The following CNTN2 variants were observed in gnomAD, a reference collection of about 807,000 sequenced individuals.
CNTN2 encodes contactin-2.
In CNTN2, 53 loss-of-function variants were observed where a neutral mutation model predicts 117.5. The observed-to-expected ratio is 0.45, with a 90% CI of 0.36 to 0.57. The LOEUF is 0.57. Among genes scored for constraint, CNTN2 ranks in the 20% least tolerant of loss-of-function variants. The pLI, the probability that CNTN2 is intolerant of heterozygous loss-of-function variation, is 0.00. For synonymous variants in CNTN2, 530 were observed against 561.7 expected (o/e 0.94, Z 0.80); for missense variants, 1,106 against 1,404.3 (o/e 0.79, Z 3.39).
intron 12 of CNTN2, 97 bp from the exon 13 acceptor site, chr1:205,064,990 G>C (rs1268198891): frequency 1.4e-6 from 2 of 1,390,562 alleles, no homozygotes; most frequent in Non-Finnish European, 2.0e-6. Context: ...TCTTCTCTTT[G>C]CTGGGCCTTA....
chr1:205,059,815 G>A lies in CNTN2; in HGVS notation c.797+133G>A. ...GGTCTAGCAAAGTACTGGGCACACA[G>A]TGGGTATCGACCACCACTCACTGGA... On this transcript the variant is annotated intron_variant, in intron 7 of 22. Coordinates refer to ENST00000331830, the MANE Select transcript of CNTN2 (RefSeq NM_005076.5). The surrounding 1 kb of genome is among the most constrained non-coding windows in gnomAD (Gnocchi z 5.6). 1 of 699,236 alleles carries A rather than the reference G, an allele frequency of 1.4e-6. No homozygotes were observed. Among genetic ancestry groups the A allele is most frequent in the Non-Finnish European group, 2.5e-6 (1 of 398,982 alleles). The allele number at this position is 699,236 out of a possible 1,614,324, so 43.3% of individuals were successfully genotyped here.
chr1:205,071,695 G>A (rs565410311), intron 19 of CNTN2, among the ~76,000 whole-genome samples: 17 of 152,190 alleles, frequency 1.1e-4, no homozygotes, highest in Non-Finnish European at 2.5e-4. Context: ...GCTAGGTTGA[G>A]CCTGTGCCAC....
In CNTN2 at chr1:205,061,402, G is replaced by A; in HGVS notation, c.955G>A (p.Gly319Ser). ...ENSKGRDTVQ[G>S]RIIVQAQPEW... ...CTCCAAGGGCCGAGACACCGTGCAG[G>A]GCCGCATCATCGTGCAGGGTACAGA... Residue 319 changes from glycine to serine, a missense_variant, in exon 8 of 23, where the codon GGC (glycine) becomes AGC (serine). Physicochemically the swap from Gly to Ser is moderately conservative, Grantham distance 56. Coordinates refer to ENST00000331830, the MANE Select transcript of CNTN2 (RefSeq NM_005076.5). This position sits in a 1 kb window ranked among gnomAD's most constrained non-coding sequence, Gnocchi z 4.8. 1 of 1,612,178 alleles carries A rather than the reference G, an allele frequency of 6.2e-7. No homozygotes were observed. The highest frequency in any genetic ancestry group is 8.5e-7 in the Non-Finnish European group (1 of 1,179,180).
In CNTN2 at chr1:205,064,313, T is replaced by C. The variant is rs1654150782; in HGVS notation, c.1241-9T>C. 1.3e-6 allele frequency: 2 copies of C among 1,552,176 alleles called. No homozygotes were observed. The highest frequency in any genetic ancestry group is 1.7e-6 in the Non-Finnish European group (2 of 1,145,768). On this transcript the variant is annotated splice_polypyrimidine_tract_variant and intron_variant, in intron 10 of 22. Transcript: ENST00000331830. ...TACTTTTCTCTGTGGCTCTCCCCTT[T>C]CCTTCTAGCACTCGCCCCTGACTTC... is the stretch of plus-strand genomic sequence containing the variant.
At chr1:205,067,366 C>T in intron 16 of CNTN2, 116 bp downstream of exon 16, 2 of 1,264,930 alleles carry the variant, frequency 1.6e-6, no homozygotes, top group Non-Finnish European at 2.2e-6. Flanking sequence ...TCACAGGGTT[C>T]AGACTCTCAC....
At position 205,048,236 on chromosome 1, in the gene CNTN2, G is replaced by C. The variant is rs2096445110; in HGVS notation, c.-87+4842G>C. Among the ~76,000 whole-genome samples the C allele has an allele frequency of 2.0e-5, 3 of 152,144 alleles. No homozygotes were observed. The highest frequency in any genetic ancestry group is 1.5e-5 in the Non-Finnish European group (1 of 68,018). ...GAGACAGATTCAGGGCCAGGAGCTG[G>C]GCATCCCAGTAGGGAGAACTCTGGG... On this transcript the variant is annotated intron_variant, in intron 1 of 22. Coordinates refer to ENST00000331830, the MANE Select transcript of CNTN2 (RefSeq NM_005076.5). This position sits in a 1 kb window ranked among gnomAD's most constrained non-coding sequence, Gnocchi z 4.1.
Position 205,073,011 on chromosome 1 carries a change from G to T in CNTN2, c.2845-57G>T. The T allele has an allele frequency of 1.3e-6, 2 of 1,586,838 alleles. No individual in the cohort carries two copies. The highest frequency in any genetic ancestry group is 2.3e-5 in the South Asian group (2 of 87,396). ...CCTCCCAGTACCTAAAGCTGGGGAT[G>T]ACTCAACGATCAGCCCTGGTGTCAG... On this transcript the variant is annotated intron_variant, in intron 21 of 22. Transcript: ENST00000331830. This position sits in a 1 kb window ranked among gnomAD's most constrained non-coding sequence, Gnocchi z 6.3.
chr1:205,069,517 A>G lies in CNTN2; in HGVS notation c.2152A>G (p.Ser718Gly). ...AAPSVAPSGL[S>G]GGGGAPGELI... ...CCCCTCGGTGGCACCCTCAGGACTC[A>G]GCGGAGGAGGTGGAGCCCCCGGAGA... Residue 718 changes from serine (S) to glycine (G), a missense_variant, in exon 17 of 23, where the codon AGC becomes GGC. By Grantham distance (56) the Ser-to-Gly change is moderately conservative. Transcript: ENST00000331830. 6 of 1,614,096 alleles carry G rather than the reference A, an allele frequency of 3.7e-6. No homozygotes were observed. The highest frequency in any genetic ancestry group is 5.1e-6 in the Non-Finnish European group (6 of 1,180,016).
chr1:205,052,868 G>C (rs1189906617), intron 1 of CNTN2, among the ~76,000 whole-genome samples: 1 of 152,208 alleles, frequency 6.6e-6, no homozygotes, highest in East Asian at 1.9e-4. Context: ...GGGGGCAGGT[G>C]GGGGTACAGG....
At chr1:205,071,734 C>T (rs1166527137) in intron 19 of CNTN2, among the ~76,000 whole-genome samples, 3 of 152,182 alleles carry the variant, frequency 2.0e-5, no homozygotes, top group African/African-American at 7.2e-5. Flanking sequence ...ATGTCTTGAG[C>T]ACCTTCCTTG....
In CNTN2 at chr1:205,069,522, A is replaced by G. The variant is rs1654472234; in HGVS notation, c.2157A>G (p.Gly719=). The change falls in exon 17 of 23, where the codon GGA becomes GGG. Residue 719 remains glycine, a synonymous_variant. Transcript: ENST00000331830. The part of the protein sequence containing the change: ...APSVAPSGLS[G]GGGAPGELIV... ...CGGTGGCACCCTCAGGACTCAGCGG[A>G]GGAGGTGGAGCCCCCGGAGAGCTCA... 2.5e-6 allele frequency: 4 copies of G among 1,614,022 alleles called. No individual in the cohort carries two copies. Among genetic ancestry groups the G allele is most frequent in the Non-Finnish European group, 3.4e-6 (4 of 1,180,024 alleles).
In CNTN2 at chr1:205,064,673, C is replaced by T; in HGVS notation, c.1442C>T (p.Ser481Leu). 1 of 1,614,194 alleles carries T rather than the reference C, an allele frequency of 6.2e-7. No homozygotes were observed. The highest frequency in any genetic ancestry group is 8.5e-7 in the Non-Finnish European group (1 of 1,180,022). The change falls in exon 12 of 23, where the codon TCA (serine) becomes TTA (leucine). Residue 481 changes from serine to leucine, a missense_variant. Coordinates refer to ENST00000331830, the MANE Select transcript of CNTN2 (RefSeq NM_005076.5). ...GTLIIRNISR[S>L]DEGKYTCFAE... ...TTGATCATAAGAAACATCAGCCGGT[C>T]AGATGAAGGCAAATACACCTGCTTT...
In CNTN2 at chr1:205,059,218, T is replaced by G; in HGVS notation, c.622T>G (p.Leu208Val). ...CTCAGACCTGGGCAACTACTCCTGT[T>G]TGGCCACCAGCCACATGGACTTCTC... ...NASDLGNYSC[L>V]ATSHMDFSTK... is the part of the protein sequence containing the mutation. Residue 208 changes from leucine to valine, a missense_variant, in exon 6 of 23, where the codon TTG becomes GTG. Coordinates refer to ENST00000331830, the MANE Select transcript of CNTN2 (RefSeq NM_005076.5). This position sits in a 1 kb window ranked among gnomAD's most constrained non-coding sequence, Gnocchi z 5.6. 1 of 1,614,202 alleles carries G rather than the reference T, an allele frequency of 6.2e-7. No homozygotes were observed. The highest frequency in any genetic ancestry group is 1.1e-5 in the South Asian group (1 of 91,076).
At position 205,053,152 on chromosome 1, in the gene CNTN2, T is replaced by TCCTC. The variant is rs1294524600; in HGVS notation, c.-32_-29dup. On this transcript the variant is annotated 5_prime_UTR_variant, in exon 2 of 23. Coordinates refer to ENST00000331830, the MANE Select transcript of CNTN2 (RefSeq NM_005076.5). The stretch of plus-strand genomic sequence containing the variant: ...TCCCCAAGCTGAGCTGAGGCTCTTC[T>TCCTC]CCTCCGATCCCCACCTCTGCCCGGA... 2 of 1,584,210 alleles carry TCCTC rather than the reference T, an allele frequency of 1.3e-6. No homozygotes were observed. Among genetic ancestry groups the TCCTC allele is most frequent in the East Asian group, 4.6e-5 (2 of 43,888 alleles).
rs1180114824 is a variant in CNTN2 at position 205,066,497 on chromosome 1, C to A, written c.1873C>A (p.Gln625Lys). 6.2e-6 allele frequency: 10 copies of A among 1,614,052 alleles called. No homozygotes were observed. The highest frequency in any genetic ancestry group is 8.5e-6 in the Non-Finnish European group (10 of 1,180,028). ...VVRDIGDTTI[Q>K]LSWSRGFDNH... ...GAGGGACATTGGCGACACCACCATCCAGCTCAGCTGGAGCCGTGGCTTCGA... is the reference window on the plus strand; with the variant it reads ...GAGGGACATTGGCGACACCACCATCAAGCTCAGCTGGAGCCGTGGCTTCGA... The change falls in exon 15 of 23, where the codon CAG becomes AAG. Residue 625 changes from glutamine to lysine, a missense_variant. Transcript: ENST00000331830.
chr1:205,045,580 G>T (rs1243672765), intron 1 of CNTN2, among the ~76,000 whole-genome samples: 1 of 152,202 alleles, frequency 6.6e-6, no homozygotes, highest in African/African-American at 2.4e-5. Context: ...AAACCTCCTT[G>T]AGCCAAACGT....
chr1:205,060,966 T>G (rs946394600), intron 7 of CNTN2: 1 of 394,672 alleles, frequency 2.5e-6, no homozygotes, highest in African/African-American at 2.1e-5. Flanking sequence ...GCAGGCCAGC[T>G]TCAGGGTGCA....
Position 205,061,757 on chromosome 1 carries a change from G to A in CNTN2, c.974-108G>A, listed in dbSNP as rs967977166. On this transcript the variant is annotated intron_variant, in intron 8 of 22. Transcript: ENST00000331830. The surrounding 1 kb of genome is among the most constrained non-coding windows in gnomAD (Gnocchi z 4.8). ...CTCTCCATCTCAGAATGCTCATGGCGCCCTCTGCTGTCTGGCACAGGTGCT... is the reference window on the plus strand; with the variant it reads ...CTCTCCATCTCAGAATGCTCATGGCACCCTCTGCTGTCTGGCACAGGTGCT... 9 of 1,353,246 alleles carry A rather than the reference G, an allele frequency of 6.7e-6. No individual in the cohort carries two copies. Among genetic ancestry groups the A allele is most frequent in the South Asian group, 1.6e-5 (1 of 64,470 alleles). 83.8% of individuals were successfully genotyped at this position (1,353,246 alleles called of 1,614,324 possible). A position where few individuals can be genotyped will look rare whatever the true frequency, so the allele number is the denominator to read the frequency against.
chr1:205,056,454 C>T (rs368911695), intron 2 of CNTN2, among the ~76,000 whole-genome samples: 3 of 152,222 alleles, frequency 2.0e-5, no homozygotes, highest in Admixed American at 6.5e-5. Flanking sequence ...ATGCCTGCAC[C>T]GGGCCATTCC....
Sources: gnomAD v4.1 joint callset for allele counts (sites outside exome capture counted in the v4.1 genomes callset) on GRCh38, gnomAD v4.1.1 for gene constraint, Gnocchi (gnomAD v3.1) non-coding constraint, MANE v1.5 for transcripts, NCBI Gene and HGNC (gene_info 2026-07-23, HGNC 2026-07-21) for gene names.